SETBP1: variants seen among roughly 807,000 people sequenced by gnomAD.
SETBP1 encodes SET binding protein 1.
Under a neutral mutation model 101.0 loss-of-function variants are expected in SETBP1, and 9 were observed. The ratio of observed to expected loss-of-function variants is 0.09; its 90% CI spans 0.05 to 0.16. The LOEUF (loss-of-function observed/expected upper bound fraction) is 0.16. Among genes scored for constraint, SETBP1 ranks in the 10% least tolerant of loss-of-function variants. SETBP1 has a pLI of 1.00. For synonymous variants in SETBP1, 818 were observed against 788.5 expected (o/e 1.04, Z -0.63); for missense variants, 1,858 against 2,033.8 (o/e 0.91, Z 1.66).
Position 44,701,426 on chromosome 18 carries a change from C to A in SETBP1, c.80C>A (p.Pro27His). Residue 27 changes from proline (P) to histidine (H), a missense_variant, in exon 2 of 6, where the codon CCC becomes CAC. This residue lies in a region of SETBP1 where 97 missense variants were observed against 101.2 expected (regional missense o/e 0.96). Coordinates refer to ENST00000649279, the MANE Select transcript of SETBP1 (RefSeq NM_015559.3). ...TTCCTGCCGGTCTCCTCAGCCAAGC[C>A]CCCAGCTGCTCCTGGCTGTGCAGGA... ...SDFLPVSSAK[P>H]PAAPGCAGEP... 3 of 1,600,832 alleles carry A rather than the reference C, an allele frequency of 1.9e-6. No homozygotes were observed. The highest frequency in any genetic ancestry group is 1.7e-6 in the Non-Finnish European group (2 of 1,172,978).
intron 4 of SETBP1, among the ~76,000 whole-genome samples, chr18:44,973,045 C>T (rs143272342): frequency 0.011 from 1,655 of 152,184 alleles, 34 homozygotes; most frequent in African/African-American, 0.038. Context: ...TTTTGAGATC[C>T]GTCCCATCAA....
At chr18:45,047,386 G>T (rs1030296177) in intron 5 of SETBP1, among the ~76,000 whole-genome samples, 12 of 152,156 alleles carry the variant, frequency 7.9e-5, no homozygotes, top group Non-Finnish European at 1.6e-4. Flanking sequence ...GAATTAAAGG[G>T]CACATATATT....
intron 3 of SETBP1, among the ~76,000 whole-genome samples, chr18:44,885,832 C>A (rs2069628934): frequency 1.3e-5 from 1 of 74,140 alleles, no homozygotes; most frequent in Non-Finnish European, 2.9e-5. Context: ...TTCACATGTG[C>A]CCATTTCATT....
chr18:45,032,378 T>C (rs762026996), intron 4 of SETBP1, among the ~76,000 whole-genome samples: 75 of 152,292 alleles, frequency 4.9e-4, no homozygotes, highest in Admixed American at 1.2e-3. Context: ...TTCCAAGTTT[T>C]GCTAGTCAAC....
intron 3 of SETBP1, among the ~76,000 whole-genome samples, chr18:44,899,350 C>CA (rs1359263522): frequency 6.6e-6 from 1 of 152,136 alleles, no homozygotes; most frequent in East Asian, 1.9e-4. Context: ...AGAGGCATTC[C>CA]TCCCCAAAGG....
chr18:45,030,990 G>A (rs1279436128), intron 4 of SETBP1, among the ~76,000 whole-genome samples: 3 of 151,702 alleles, frequency 2.0e-5, no homozygotes, highest in African/African-American at 7.3e-5. Flanking sequence ...TTTTTGAAGG[G>A]TTTTTTGTGT....
intron 2 of SETBP1, among the ~76,000 whole-genome samples, chr18:44,818,838 C>T (rs572417065): frequency 1.3e-5 from 2 of 152,006 alleles, no homozygotes; most frequent in Non-Finnish European, 2.9e-5. Context: ...TCCACCATCT[C>T]CCTCTGTGAA....
chr18:44,947,404 A>G (rs1421157416), intron 3 of SETBP1, among the ~76,000 whole-genome samples: 1 of 152,100 alleles, frequency 6.6e-6, no homozygotes, highest in African/African-American at 2.4e-5. Flanking sequence ...CAGAACTAGA[A>G]AAGTGATGGT....
intron 5 of SETBP1, among the ~76,000 whole-genome samples, chr18:45,057,625 G>T (rs1258770544): frequency 6.6e-6 from 1 of 152,150 alleles, no homozygotes; most frequent in African/African-American, 2.4e-5. Context: ...AGATATTCCA[G>T]CTGTATCTGC....
rs1205548416 is a variant in SETBP1, at chr18:44,867,895, TTTC to T, written c.487-1330_487-1328del. Among the ~76,000 whole-genome samples the T allele has an allele frequency of 5.3e-5, 8 of 152,324 alleles. No individual in the cohort carries two copies. The South Asian group carries it at 8.3e-4, about 16-fold the overall frequency. ...CTGGAGGCCCTGGGGCTCAGCATGA[TTTC>T]TTCTCTTTCTTGACCCAAACAAAAC... is the stretch of plus-strand genomic sequence containing the variant. On this transcript the variant is annotated intron_variant, in intron 2 of 5. Transcript: ENST00000649279.
At chr18:44,693,002 T>A (rs556418967) in intron 1 of SETBP1, among the ~76,000 whole-genome samples, 1 of 152,166 alleles carries the variant, frequency 6.6e-6, no homozygotes, top group Non-Finnish European at 1.5e-5. Flanking sequence ...GAGTAGGAGC[T>A]TTGTCCTTTG....
intron 4 of SETBP1, among the ~76,000 whole-genome samples, chr18:44,976,073 TAC>T (rs57458132): frequency 0.11 from 15,634 of 143,526 alleles, 814 homozygotes; most frequent in South Asian, 0.18. Flanking sequence ...TGGGGAGGGA[TAC>T]ACACACACAC....
At chr18:44,906,066 C>T (rs578125332) in intron 3 of SETBP1, among the ~76,000 whole-genome samples, 5 of 152,112 alleles carry the variant, frequency 3.3e-5, no homozygotes, top group African/African-American at 1.2e-4. Context: ...AAAGGTCAGT[C>T]GCTTCATGAT....
chr18:44,818,755 A>T (rs1451847487), intron 2 of SETBP1, among the ~76,000 whole-genome samples: 5 of 59,374 alleles, frequency 8.4e-5, no homozygotes, highest in East Asian at 9.6e-4. Context: ...GCACACACTC[A>T]CACACACACA....
intron 4 of SETBP1, among the ~76,000 whole-genome samples, chr18:44,994,595 T>C (rs1172087747): frequency 6.6e-6 from 1 of 152,166 alleles, no homozygotes; most frequent in Non-Finnish European, 1.5e-5. Flanking sequence ...AATGTGCTCA[T>C]AGGGAAAATT....
At chr18:44,742,265 C>T (rs954179698) in intron 2 of SETBP1, among the ~76,000 whole-genome samples, 6 of 152,140 alleles carry the variant, frequency 3.9e-5, no homozygotes, top group African/African-American at 1.4e-4. Context: ...TGATCTCAGC[C>T]CCGCACCCCG....
intron 3 of SETBP1, among the ~76,000 whole-genome samples, chr18:44,914,433 T>C (rs1363779651): frequency 6.6e-6 from 1 of 152,240 alleles, no homozygotes; most frequent in Non-Finnish European, 1.5e-5. Context: ...GATTGAAGTT[T>C]TATTTTTAGT....
intron 2 of SETBP1, among the ~76,000 whole-genome samples, chr18:44,753,531 C>T (rs1022023836): frequency 1.3e-5 from 2 of 152,208 alleles, no homozygotes; most frequent in Non-Finnish European, 2.9e-5. Flanking sequence ...CATTATGGAG[C>T]CTTTCTAGGC....
chr18:44,856,958 C>T (rs992292947), intron 2 of SETBP1, among the ~76,000 whole-genome samples: 23 of 152,198 alleles, frequency 1.5e-4, no homozygotes, highest in African/African-American at 5.5e-4. Flanking sequence ...AAATTATGAG[C>T]CTCCCTCACC....
Sources: gnomAD v4.1 joint callset for allele counts (sites outside exome capture counted in the v4.1 genomes callset) on GRCh38, gnomAD v4.1.1 for gene constraint, gnomAD v4.1.1 regional missense constraint, MANE v1.5 for transcripts, NCBI Gene and HGNC (gene_info 2026-07-23, HGNC 2026-07-21) for gene names.